TP53BP1: variants seen among roughly 807,000 people sequenced by gnomAD.
The protein encoded by TP53BP1 is TP53-binding protein 1.
A neutral mutation model predicts 200.8 loss-of-function variants in TP53BP1; 61 were observed. That is an observed-to-expected ratio of 0.30 (90% confidence interval 0.25 to 0.38). TP53BP1 has a LOEUF of 0.38. Among genes scored for constraint, TP53BP1 ranks in the 10% least tolerant of loss-of-function variants. The pLI is 1.00. For missense variants in TP53BP1, 2,144 were observed against 2,371.9 expected (o/e 0.90, Z 2.00); for synonymous variants, 822 against 844.3 (o/e 0.97, Z 0.46).
intron 24 of TP53BP1, chr15:43,412,820 A>C (rs540854611): frequency 3.2e-5 from 16 of 507,596 alleles, no homozygotes; most frequent in Middle Eastern, 3.0e-4. Flanking sequence ...GACAAAAAAA[A>C]CACAATTATT....
Position 43,479,510 on chromosome 15 carries a change from T to C in TP53BP1, c.675A>G (p.Glu225=), listed in dbSNP as rs777581909. Residue 225 remains glutamate, a synonymous_variant, in exon 7 of 28, where the codon GAA becomes GAG. Coordinates refer to ENST00000382044, the MANE Select transcript of TP53BP1 (RefSeq NM_001141980.3). ...CTATGGGGATATCTTCGTTGGACTGTTCTTCATGCTTAATTGCTGAGAGTT... is the reference window on the plus strand; with the variant it reads ...CTATGGGGATATCTTCGTTGGACTGCTCTTCATGCTTAATTGCTGAGAGTT... ...VDANTAIKHE[E]QSNEDIPIAE... The C allele has an allele frequency of 1.2e-6, 2 of 1,608,496 alleles. No individual in the cohort carries two copies. The highest frequency in any genetic ancestry group is 1.7e-5 in the Admixed American group (1 of 58,318).
rs528673683 is a variant in TP53BP1, at chr15:43,503,162, C to T, written c.-9+7208G>A. Among the ~76,000 whole-genome samples, 19 of 152,298 alleles carry T rather than the reference C, an allele frequency of 1.2e-4. No homozygotes were observed. In the South Asian group the frequency reaches 3.7e-3, roughly 30 times the overall value. The stretch of plus-strand genomic sequence containing the variant: ...CAATAAATGGGTGCGTGTGTGTGTG[C>T]GCGCATGCGCGGGTGTGTGTAGCTA... On this transcript the variant is annotated intron_variant, in intron 1 of 27. Coordinates refer to the TP53BP1 transcript ENST00000263801.
At chr15:43,489,976 A>G (rs2079098484) in intron 4 of TP53BP1, among the ~76,000 whole-genome samples, 1 of 152,164 alleles carries the variant, frequency 6.6e-6, no homozygotes, top group Non-Finnish European at 1.5e-5. Context: ...GCAGCGGCAC[A>G]ATCACGGCTG....
At chr15:43,460,309 G>A (rs2046399319) in intron 11 of TP53BP1, among the ~76,000 whole-genome samples, 1 of 152,156 alleles carries the variant, frequency 6.6e-6, no homozygotes, top group African/African-American at 2.4e-5. Flanking sequence ...CAGCCAGGCT[G>A]GAGTGCAGTG....
At chr15:43,427,266 G>T (rs1019257424) in intron 18 of TP53BP1, among the ~76,000 whole-genome samples, 3 of 152,098 alleles carry the variant, frequency 2.0e-5, no homozygotes, top group Non-Finnish European at 4.4e-5. Flanking sequence ...AAATAAAGGT[G>T]CATTTCTTAC....
chr15:43,472,072 G>GA (rs2046739459), intron 10 of TP53BP1, among the ~76,000 whole-genome samples: 1 of 152,230 alleles, frequency 6.6e-6, no homozygotes, highest in Non-Finnish European at 1.5e-5. Context: ...CAAGAGCAGA[G>GA]AAAGGATATA....
In TP53BP1 at chr15:43,439,843, T is replaced by C. The variant is rs565214153; in HGVS notation, c.3099-1427A>G. Among the ~76,000 whole-genome samples the C allele has an allele frequency of 2.0e-5, 3 of 152,298 alleles. No individual in the cohort carries two copies. In the South Asian group the frequency reaches 6.2e-4, roughly 32 times the overall value. On this transcript the variant is annotated intron_variant, in intron 15 of 27. Coordinates refer to ENST00000382044, the MANE Select transcript of TP53BP1 (RefSeq NM_001141980.3). ...TCTGTTCCCTCTGAATATGCACAAG[T>C]ACAGACTAATAACAACTTATTCCTG...
upstream of TP53BP1, among the ~76,000 whole-genome samples, chr15:43,495,495 T>TCTCACACACACACA (rs1555410631): frequency 7.5e-6 from 1 of 133,352 alleles, no homozygotes; most frequent in Non-Finnish European, 1.6e-5. Flanking sequence ...TGAGACTCCG[T>TCTCACACACACACA]CACACACACA....
In TP53BP1 at chr15:43,404,700, A is replaced by G; in HGVS notation, c.*2683T>C. 1.2e-6 allele frequency: 1 copy of G among 822,476 alleles called. No individual in the cohort carries two copies. The highest frequency in any genetic ancestry group is 1.8e-6 in the Non-Finnish European group (1 of 542,662). The allele number at this position is 822,476 out of a possible 1,614,324, so 50.9% of individuals were successfully genotyped here. On this transcript the variant is annotated 3_prime_UTR_variant, in exon 28 of 28. Transcript: ENST00000382044. ...GATAGAGGTGTGACCATCTTTAATA[A>G]TTTTAATGGAGGTTATTTTCTAGTA...
intron 11 of TP53BP1, among the ~76,000 whole-genome samples, chr15:43,464,990 TC>T (rs2046535545): frequency 6.6e-6 from 1 of 151,580 alleles, no homozygotes. Flanking sequence ...CAAGGATAGA[TC>T]AATACAAAAA....
intron 4 of TP53BP1, among the ~76,000 whole-genome samples, chr15:43,486,114 C>G (rs192738310): frequency 6.6e-6 from 1 of 152,050 alleles, no homozygotes; most frequent in East Asian, 1.9e-4. Flanking sequence ...AGGTGCCTCA[C>G]GCCCGTAATC....
chr15:43,462,142 AC>A (rs1355513910), intron 11 of TP53BP1, among the ~76,000 whole-genome samples: 3 of 140,250 alleles, frequency 2.1e-5, no homozygotes, highest in African/African-American at 7.9e-5. Flanking sequence ...GACCAGCCTG[AC>A]CAACAAGGTG....
Position 43,446,558 on chromosome 15 carries a change from T to C in TP53BP1, c.2869A>G (p.Thr957Ala). 5 of 1,614,126 alleles carry C rather than the reference T, an allele frequency of 3.1e-6. No individual in the cohort carries two copies. The highest frequency in any genetic ancestry group is 4.2e-6 in the Non-Finnish European group (5 of 1,180,004). ...ISNYPESTIA[T>A]SDVMSESMVE... ...ATGCTTTCAGACATGACATCACTGG[T>C]TGCTATGGTGCTTTCTGGATAGTTG... The change falls in exon 14 of 28, where the codon ACC becomes GCC. Residue 957 changes from threonine to alanine, a missense_variant. Coordinates refer to ENST00000382044, the MANE Select transcript of TP53BP1 (RefSeq NM_001141980.3).
chr15:43,488,534 T>C (rs1280264762), intron 4 of TP53BP1, among the ~76,000 whole-genome samples: 1 of 152,128 alleles, frequency 6.6e-6, no homozygotes. Flanking sequence ...TAAAACTATG[T>C]AAAACTTAAT....
At position 43,428,020 on chromosome 15, in the gene TP53BP1, G is replaced by A. The variant is rs144064168; in HGVS notation, c.3824C>T (p.Thr1275Ile). The part of the protein sequence containing the change: ...VDGTEVERKV[T>I]EETEEPIVEC... ...CAGACTCAGAGTATGTATTACCTCA[G>A]TTACTTTTCTTTCTACTTCTGTTCC... Residue 1275 changes from threonine (T) to isoleucine (I), a missense_variant, in exon 18 of 28, where the codon ACT becomes ATT. Thr to Ile is a moderately conservative substitution (Grantham distance 89). Coordinates refer to ENST00000382044, the MANE Select transcript of TP53BP1 (RefSeq NM_001141980.3). The A allele has an allele frequency of 2.5e-6, 4 of 1,599,510 alleles. No individual in the cohort carries two copies. The highest frequency in any genetic ancestry group is 3.4e-6 in the Non-Finnish European group (4 of 1,170,216).
intron 10 of TP53BP1, 59 bp downstream of exon 10, chr15:43,474,614 C>T (rs368326438): frequency 3.3e-6 from 4 of 1,212,256 alleles, no homozygotes; most frequent in South Asian, 1.3e-5. Flanking sequence ...TTTTGCAAGG[C>T]AGAAAAAGTG....
chr15:43,406,993 C>T lies in TP53BP1; in HGVS notation c.*390G>A. 1 of 235,690 alleles carries T rather than the reference C, an allele frequency of 4.2e-6. No individual in the cohort carries two copies. 14.6% of individuals were successfully genotyped at this position (235,690 alleles called of 1,614,324 possible). On this transcript the variant is annotated 3_prime_UTR_variant, in exon 28 of 28. Transcript: ENST00000382044. ...TGGCACAACTGTTAATCTGGGCCTT[C>T]ACCTACCTTAAACTGAGTTTCTGCA...
At chr15:43,439,936 A>T (rs912141309) in intron 15 of TP53BP1, among the ~76,000 whole-genome samples, 1 of 152,214 alleles carries the variant, frequency 6.6e-6, no homozygotes, top group African/African-American at 2.4e-5. Context: ...CTAAGACTAT[A>T]TATCATTAAG....
intron 11 of TP53BP1, among the ~76,000 whole-genome samples, chr15:43,463,372 C>G (rs79661498): frequency 1.3e-5 from 2 of 152,152 alleles, no homozygotes; most frequent in African/African-American, 4.8e-5. Flanking sequence ...TCTCTTTACA[C>G]ATATTTAAAT....
Sources: allele counts gnomAD v4.1 joint callset (sites outside exome capture counted in the v4.1 genomes callset), GRCh38; gene constraint gnomAD v4.1.1; transcripts MANE v1.5; gene names NCBI Gene and HGNC (gene_info 2026-07-23, HGNC 2026-07-21).